INSC: variants seen among roughly 807,000 people sequenced by gnomAD.
INSC encodes protein inscuteable homolog.
Under a neutral mutation model 58.6 loss-of-function variants are expected in INSC, and 67 were observed. That is an observed-to-expected ratio of 1.14 (90% CI 0.94 to 1.40). The LOEUF is 1.40. Ranked by LOEUF, INSC falls within the 40% of genes most tolerant of loss-of-function variation. The pLI is 0.00. For synonymous variants in INSC, 262 were observed against 276.1 expected, an observed-to-expected ratio of 0.95 and a Z score of 0.51; for missense variants, 714 against 692.0, an observed-to-expected ratio of 1.03 and a Z score of -0.36.
chr11:15,239,031 C>T lies in INSC; in HGVS notation c.1350C>T (p.Leu450=), dbSNP rs1321677272. ...AAGCTGCAGTGACCCTGGCTCGTCT[C>T]AGCCGAGACCCAGATGTGGCACGGG... is the stretch of plus-strand genomic sequence containing the variant. The part of the protein sequence containing the change: ...QQKAAVTLAR[L]SRDPDVAREA... Residue 450 remains leucine (L), a synonymous_variant, in exon 11 of 13, where the codon CTC becomes CTT. Transcript: ENST00000379556. 6.2e-7 allele frequency: 1 copy of T among 1,614,088 alleles called. No homozygotes were observed. The highest frequency in any genetic ancestry group is 1.7e-5 in the Admixed American group (1 of 60,028).
chr11:15,224,053 TCAAA>T (rs1266017632), intron 8 of INSC, among the ~76,000 whole-genome samples: 2 of 152,220 alleles, frequency 1.3e-5, no homozygotes, highest in Non-Finnish European at 2.9e-5. Context: ...GATTCTAGCC[TCAAA>T]CAGTTACTTA....
At chr11:15,180,684 AG>A (rs375510258) in intron 5 of INSC, among the ~76,000 whole-genome samples, 1,959 of 39,928 alleles carry the variant, frequency 0.049, 125 homozygotes, top group African/African-American at 0.2. Flanking sequence ...GGTAGGAGTG[AG>A]GGGGGGGGCG....
chr11:15,223,635 G>A (rs948532906), intron 8 of INSC, among the ~76,000 whole-genome samples: 1 of 152,214 alleles, frequency 6.6e-6, no homozygotes, highest in Non-Finnish European at 1.5e-5. Context: ...GAATGAGGGG[G>A]AGTGTTAGGA....
chr11:15,264,672 CAGGA>C, the INSC span, among the ~76,000 whole-genome samples: 1 of 150,664 alleles, frequency 6.6e-6, no homozygotes, highest in African/African-American at 2.4e-5. Flanking sequence ...ACTGAAGGCA[CAGGA>C]AGTTCTCTGC....
Position 15,220,497 on chromosome 11 carries a change from G to A in INSC, c.820-980G>A, listed in dbSNP as rs551231635. 6.1e-4 allele frequency among the ~76,000 whole-genome samples: 93 copies of A among 152,252 alleles called. 1 individual carries two copies. In the South Asian group the frequency reaches 0.019, roughly 31 times the overall value. On this transcript the variant is annotated intron_variant, in intron 7 of 12. Transcript: ENST00000379556. The stretch of plus-strand genomic sequence containing the variant: ...TCTGAGCTCAGGTGCCACTTCTTAG[G>A]AGGCAGCATCACATCCTGTTCAAAA...
rs571000568 is a variant in INSC at position 15,208,275 on chromosome 11, C to T, written c.819+7326C>T. 3.9e-5 allele frequency among the ~76,000 whole-genome samples: 6 copies of T among 152,266 alleles called. No individual in the cohort carries two copies. The East Asian group carries it at 1.2e-3, about 29-fold the overall frequency. On this transcript the variant is annotated intron_variant, in intron 7 of 12. Transcript: ENST00000379556. ...TATCAGCTTCCTCCACTCCTCACAC[C>T]CCCAAACACTAGCCTTCAACTCCCA...
chr11:15,215,767 G>A (rs1183236086), intron 7 of INSC, among the ~76,000 whole-genome samples: 1 of 152,164 alleles, frequency 6.6e-6, no homozygotes, highest in African/African-American at 2.4e-5. Context: ...CTTGATAGGT[G>A]TTCTAGCTGA....
the INSC span, among the ~76,000 whole-genome samples, chr11:15,260,961 A>G: frequency 6.6e-6 from 1 of 152,216 alleles, no homozygotes; most frequent in Non-Finnish European, 1.5e-5. Flanking sequence ...CACAAAGGTT[A>G]GGCCCTAAGC....
intron 1 of INSC, among the ~76,000 whole-genome samples, chr11:15,132,206 C>T (rs980606003): frequency 3.3e-5 from 5 of 152,066 alleles, no homozygotes; most frequent in African/African-American, 1.2e-4. Context: ...CTTTAAATAG[C>T]TTTAGTCATA....
chr11:15,115,118 G>A (rs2133668358), intron 1 of INSC, 115 bp downstream of exon 1: 1 of 661,650 alleles, frequency 1.5e-6, no homozygotes, highest in Non-Finnish European at 1.9e-6. Flanking sequence ...TGTGTCAGTG[G>A]GAGTGCTTGT....
chr11:15,240,644 C>T, intron 12 of INSC, 121 bp downstream of exon 12: 2 of 734,544 alleles, frequency 2.7e-6, no homozygotes, highest in South Asian at 3.0e-5. Flanking sequence ...TGGGCTTTAG[C>T]TTTTCTCTTT....
chr11:15,208,166 T>A (rs982621669), intron 7 of INSC, among the ~76,000 whole-genome samples: 1 of 152,158 alleles, frequency 6.6e-6, no homozygotes, highest in Non-Finnish European at 1.5e-5. Context: ...AGGAATAGCT[T>A]TTAGAGAGAG....
At chr11:15,171,795 C>A (rs1285910062) in intron 2 of INSC, among the ~76,000 whole-genome samples, 1 of 152,260 alleles carries the variant, frequency 6.6e-6, no homozygotes, top group Non-Finnish European at 1.5e-5. Flanking sequence ...TCTCATGGAA[C>A]AACTGAAGTT....
upstream of INSC, chr11:15,112,483 C>T (rs749121451): frequency 6.2e-7 from 1 of 1,609,846 alleles, no homozygotes; most frequent in East Asian, 2.2e-5. Context: ...AGACGGCCCC[C>T]TGGCAATGGA....
chr11:15,157,975 C>T (rs763138020), intron 2 of INSC, among the ~76,000 whole-genome samples: 12 of 152,130 alleles, frequency 7.9e-5, no homozygotes, highest in Non-Finnish European at 1.8e-4. Context: ...CCTATCTCAG[C>T]GAGGGCAGCA....
At chr11:15,134,718 A>AC (rs1295348895) in intron 1 of INSC, among the ~76,000 whole-genome samples, 1 of 151,438 alleles carries the variant, frequency 6.6e-6, no homozygotes, top group African/African-American at 2.4e-5. Context: ...AGTTGCTATG[A>AC]CCCCCCAATA....
chr11:15,265,923 A>C, the INSC span, among the ~76,000 whole-genome samples: 10 of 151,132 alleles, frequency 6.6e-5, no homozygotes, highest in Non-Finnish European at 1.3e-4. Context: ...ACTTAAAAGT[A>C]CATGAAATCC....
At chr11:15,216,988 G>GA (rs921360279) in intron 7 of INSC, among the ~76,000 whole-genome samples, 4 of 152,040 alleles carry the variant, frequency 2.6e-5, no homozygotes, top group South Asian at 4.2e-4. Context: ...TTATAAGAAG[G>GA]AAAAAAACAA....
At chr11:15,124,657 C>G (rs565830878) in intron 1 of INSC, among the ~76,000 whole-genome samples, 2 of 152,210 alleles carry the variant, frequency 1.3e-5, no homozygotes, top group South Asian at 4.2e-4. Context: ...AGGCAGTAGA[C>G]TAATCCTGGC....
Sources: allele counts gnomAD v4.1 joint callset (sites outside exome capture counted in the v4.1 genomes callset), GRCh38; gene constraint gnomAD v4.1.1; transcripts MANE v1.5; gene names NCBI Gene and HGNC (gene_info 2026-07-23, HGNC 2026-07-21).